The following ARHGAP6 variants were observed in gnomAD, a reference collection of about 807,000 sequenced individuals.
ARHGAP6 encodes the protein rho GTPase-activating protein 6.
In ARHGAP6, 16 loss-of-function variants were observed where a neutral mutation model predicts 55.7. The observed-to-expected ratio is 0.29, with a 90% CI of 0.19 to 0.44. The LOEUF is 0.44. Among genes scored for constraint, ARHGAP6 ranks in the 20% least tolerant of loss-of-function variants. The probability of loss-of-function intolerance (pLI) is 1.00; values close to 1 mark genes in which losing one functional copy is unlikely to be tolerated. For missense variants in ARHGAP6, 698 were observed against 808.9 expected (o/e 0.86, Z 1.66); for synonymous variants, 382 against 360.9 (o/e 1.06, Z -0.66).
At chrX:11,301,545 C>G (rs1176123643) in intron 1 of ARHGAP6, among the ~76,000 whole-genome samples, 2 of 111,737 alleles carry the variant, frequency 1.8e-5, no homozygotes, top group Non-Finnish European at 3.8e-5. Flanking sequence ...GATTAAGGCC[C>G]CTTAATCATT....
At chrX:11,517,089 T>A (rs1180165191) in intron 1 of ARHGAP6, among the ~76,000 whole-genome samples, 3 of 112,189 alleles carry the variant, frequency 2.7e-5, no homozygotes, top group East Asian at 5.6e-4. Flanking sequence ...ACAAGAGGCA[T>A]TGATGTAGCT....
chrX:11,615,344 C>G (rs1025578611), intron 1 of ARHGAP6, among the ~76,000 whole-genome samples: 1 of 112,067 alleles, frequency 8.9e-6, no homozygotes, highest in African/African-American at 3.2e-5. Flanking sequence ...CTCTTGCAAG[C>G]ACTCTGAGGG....
At position 11,623,696 on chromosome X, in the gene ARHGAP6, C is replaced by CA. The variant is rs60192011; in HGVS notation, c.588+40544dup. On this transcript the variant is annotated intron_variant, in intron 1 of 12. Coordinates refer to ENST00000337414, the MANE Select transcript of ARHGAP6 (RefSeq NM_013427.3). ...TGGGCGACGGAGTGAGACTCGGTCT[C>CA]AAAAAAAAAAAAAAAAAAAATTGAA... Among the ~76,000 whole-genome samples the CA allele has an allele frequency of 8.3e-3, 480 of 57,657 alleles. 1 individual carries two copies. The highest frequency in any genetic ancestry group is 0.064 in the East Asian group (99 of 1,543). The allele number at this position is 57,657 out of a possible 115,157, so 50.1% of individuals were successfully genotyped here. A position where few individuals can be genotyped will look rare whatever the true frequency, so the allele number is the denominator to read the frequency against.
chrX:11,187,454 T>A (rs2046400149), intron 4 of ARHGAP6, among the ~76,000 whole-genome samples: 1 of 111,642 alleles, frequency 9.0e-6, no homozygotes, highest in South Asian at 3.8e-4. Flanking sequence ...AAATTTAGAG[T>A]TTTAGTGTTA....
chrX:11,349,830 C>T (rs1167264400), intron 1 of ARHGAP6, among the ~76,000 whole-genome samples: 1 of 111,617 alleles, frequency 9.0e-6, no homozygotes, highest in African/African-American at 3.3e-5. Context: ...CTACTTAGGC[C>T]TGGGAAATGT....
chrX:11,385,182 C>G, intron 1 of ARHGAP6, among the ~76,000 whole-genome samples: 1 of 111,088 alleles, frequency 9.0e-6, no homozygotes. Flanking sequence ...ACTGAAAACC[C>G]CCAATTTATA....
At chrX:11,214,604 T>C (rs1431793009) in intron 2 of ARHGAP6, among the ~76,000 whole-genome samples, 1 of 112,887 alleles carries the variant, frequency 8.9e-6, no homozygotes, top group Non-Finnish European at 1.9e-5. Flanking sequence ...AGCTGGAATA[T>C]CGTGGGGACA....
intron 2 of ARHGAP6, among the ~76,000 whole-genome samples, chrX:11,201,060 T>C (rs2046612259): frequency 8.9e-6 from 1 of 111,965 alleles, no homozygotes; most frequent in Non-Finnish European, 1.9e-5. Flanking sequence ...CCTATCGAGC[T>C]GTATTTGTGC....
At chrX:11,331,433 G>T (rs1002907555) in intron 1 of ARHGAP6, among the ~76,000 whole-genome samples, 4 of 111,948 alleles carry the variant, frequency 3.6e-5, no homozygotes, top group Admixed American at 9.4e-5. Flanking sequence ...CATTCCGAAG[G>T]TTTCTGTGTA....
intron 1 of ARHGAP6, among the ~76,000 whole-genome samples, chrX:11,536,499 C>T (rs2051105454): frequency 8.9e-6 from 1 of 112,118 alleles, no homozygotes; most frequent in African/African-American, 3.2e-5. Flanking sequence ...CACACCTCCG[C>T]TCCTCTACTT....
intron 2 of ARHGAP6, among the ~76,000 whole-genome samples, chrX:11,212,277 C>T (rs1446023920): frequency 2.7e-5 from 3 of 111,407 alleles, no homozygotes; most frequent in African/African-American, 9.8e-5. Context: ...CTGAGTAGTC[C>T]CAGGTCATAT....
rs201599812 is a variant in ARHGAP6 at position 11,509,415 on chromosome X, TC to T, written c.588+154825del. Among the ~76,000 whole-genome samples, 306 of 111,603 alleles carry T rather than the reference TC, an allele frequency of 2.7e-3. 5 individuals carry two copies. The East Asian group carries it at 0.045, about 16-fold the overall frequency. Reference sequence around the variant, plus strand: ...AGAGATGTCTTCTTTAAGTTGTACCTCAAATTCTACACAGAATTCTGAATAT... The same window carrying T: ...AGAGATGTCTTCTTTAAGTTGTACCTAAATTCTACACAGAATTCTGAATAT... On this transcript the variant is annotated intron_variant, in intron 1 of 12. Coordinates refer to ENST00000337414, the MANE Select transcript of ARHGAP6 (RefSeq NM_013427.3).
At position 11,613,934 on chromosome X, in the gene ARHGAP6, C is replaced by A. The variant is rs1029121219; in HGVS notation, c.588+50307G>T. 2.7e-5 allele frequency among the ~76,000 whole-genome samples: 3 copies of A among 112,277 alleles called. No homozygotes were observed. In the Admixed American group the frequency reaches 2.8e-4, roughly 11 times the overall value. On this transcript the variant is annotated intron_variant, in intron 1 of 12. Coordinates refer to ENST00000337414, the MANE Select transcript of ARHGAP6 (RefSeq NM_013427.3). The stretch of plus-strand genomic sequence containing the variant: ...TTTTAGCTGGGCCTTTTCCCAATAA[C>A]TCCAGATGAGGCCAAGAACCCTTGG...
chrX:11,609,707 T>C (rs920323904), intron 1 of ARHGAP6, among the ~76,000 whole-genome samples: 2 of 112,062 alleles, frequency 1.8e-5, no homozygotes, highest in African/African-American at 3.2e-5. Flanking sequence ...ATCAACAGCA[T>C]CTGCTACATT....
At chrX:11,298,349 T>C (rs2048119325) in intron 1 of ARHGAP6, 18 of 1,121,432 alleles carry the variant, frequency 1.6e-5, no homozygotes, top group Non-Finnish European at 2.2e-5. Context: ...TTAAGTGAAA[T>C]ATCATGTCTA....
At chrX:11,632,704 T>A (rs1659431939) in intron 1 of ARHGAP6, among the ~76,000 whole-genome samples, 1 of 112,585 alleles carries the variant, frequency 8.9e-6, no homozygotes, top group Admixed American at 9.4e-5. Context: ...AAATTAGAAT[T>A]GTCAAATTAG....
chrX:11,607,573 C>A (rs780037796), intron 1 of ARHGAP6, among the ~76,000 whole-genome samples: 1 of 112,202 alleles, frequency 8.9e-6, no homozygotes, highest in East Asian at 2.8e-4. Context: ...ATGAAGCTAA[C>A]AGAATTATAG....
chrX:11,527,393 C>A (rs977376610), intron 1 of ARHGAP6, among the ~76,000 whole-genome samples: 7 of 111,847 alleles, frequency 6.3e-5, no homozygotes, highest in Non-Finnish European at 1.3e-4. Flanking sequence ...ATGGGTGGAT[C>A]ACAAGGTCAG....
chrX:11,545,041 G>A lies in ARHGAP6; in HGVS notation c.588+119200C>T, dbSNP rs149177409. 1.7e-4 allele frequency among the ~76,000 whole-genome samples: 19 copies of A among 111,882 alleles called. No homozygotes were observed. The East Asian group carries it at 5.0e-3, about 30-fold the overall frequency. The stretch of plus-strand genomic sequence containing the variant: ...CAGTGTGGACTAGACAACCTCTCAG[G>A]TTTCACTCATTTCAGACACCAGCAA... On this transcript the variant is annotated intron_variant, in intron 1 of 12. Coordinates refer to ENST00000337414, the MANE Select transcript of ARHGAP6 (RefSeq NM_013427.3).
Sources: gnomAD v4.1 joint callset for allele counts (sites outside exome capture counted in the v4.1 genomes callset) on GRCh38, gnomAD v4.1.1 for gene constraint, MANE v1.5 for transcripts, NCBI Gene and HGNC (gene_info 2026-07-23, HGNC 2026-07-21) for gene names.